Variants in CCNB3 observed in about 807,000 individuals in gnomAD.
The protein encoded by CCNB3 is cyclin B3.
Under a neutral mutation model 68.0 loss-of-function variants are expected in CCNB3, and 12 were observed. The observed-to-expected ratio is 0.18, with a 90% CI of 0.11 to 0.29. The LOEUF (loss-of-function observed/expected upper bound fraction) is 0.29, where lower values mean the gene tolerates loss of function less well. Ranked by LOEUF, CCNB3 falls within the 10% of genes least tolerant of loss-of-function variation. CCNB3 has a pLI of 1.00. For synonymous variants in CCNB3, 354 were observed against 388.9 expected (o/e 0.91, Z 1.06); for missense variants, 904 against 993.1 (o/e 0.91, Z 1.21).
chrX:50,316,031 A>T (rs782750445), intron 8 of CCNB3, among the ~76,000 whole-genome samples: 2 of 111,397 alleles, frequency 1.8e-5, no homozygotes, highest in African/African-American at 6.5e-5. Context: ...CTTATCTTGA[A>T]TTATAGCTCC....
intron 5 of CCNB3, among the ~76,000 whole-genome samples, chrX:50,302,114 C>T (rs782634682): frequency 2.7e-5 from 3 of 112,527 alleles, no homozygotes; most frequent in East Asian, 5.6e-4. Context: ...TGCTTCAACT[C>T]GTGCATGGTG....
At chrX:50,226,305 G>GAATATATATATAT (rs1935791651) in intron 1 of CCNB3, among the ~76,000 whole-genome samples, 4 of 16,504 alleles carry the variant, frequency 2.4e-4, no homozygotes, top group Non-Finnish European at 2.7e-4. Context: ...TATATATATA[G>GAATATATATATAT]AAATATATAA....
intron 8 of CCNB3, among the ~76,000 whole-genome samples, chrX:50,325,518 T>C (rs1306125648): frequency 1.8e-5 from 2 of 112,421 alleles, no homozygotes; most frequent in Non-Finnish European, 3.8e-5. Context: ...TTCTGATTGG[T>C]TGATACAGTG....
intron 8 of CCNB3, among the ~76,000 whole-genome samples, chrX:50,319,248 C>T (rs782137238): frequency 8.1e-5 from 9 of 110,948 alleles, no homozygotes; most frequent in East Asian, 5.7e-4. Context: ...AGAATTGGCG[C>T]GTTACTATGT....
chrX:50,347,099 G>C (rs781790822), intron 10 of CCNB3, among the ~76,000 whole-genome samples: 198 of 111,538 alleles, frequency 1.8e-3, no homozygotes, highest in Non-Finnish European at 2.9e-3. Context: ...AAAACTTTGT[G>C]GGGGGATGCT....
In CCNB3 at chrX:50,204,820, C is replaced by CTT. The variant is rs782585137; in HGVS notation, c.-242_-241insTT. The CTT allele has an allele frequency of 1.4e-4, 15 of 108,833 alleles. No individual in the cohort carries two copies. Among genetic ancestry groups the CTT allele is most frequent in the Non-Finnish European group, 1.9e-4 (10 of 52,351 alleles). 9.0% of individuals were successfully genotyped at this position (108,833 alleles called of 1,213,427 possible). A position where few individuals can be genotyped will look rare whatever the true frequency, so the allele number is the denominator to read the frequency against. ...TGGGCTGAGGCGGTTGGTCGCCTCT[C>CTT]TCTCTCTCTCTCTCTGTTCCTCATC... On this transcript the variant is annotated 5_prime_UTR_variant, in exon 1 of 13. Coordinates refer to ENST00000376042, the MANE Select transcript of CCNB3 (RefSeq NM_033031.3).
At chrX:50,226,512 AAT>A (rs1935812937) in intron 1 of CCNB3, among the ~76,000 whole-genome samples, 1 of 71,031 alleles carries the variant, frequency 1.4e-5, no homozygotes, top group Non-Finnish European at 2.4e-5. Context: ...ATATATATAG[AAT>A]ATATAGATAT....
intron 1 of CCNB3, among the ~76,000 whole-genome samples, chrX:50,222,153 G>A (rs938551461): frequency 9.0e-6 from 1 of 111,113 alleles, no homozygotes; most frequent in African/African-American, 3.3e-5. Flanking sequence ...TTGAGCCTAT[G>A]TGTGTCTCTG....
intron 4 of CCNB3, among the ~76,000 whole-genome samples, chrX:50,291,030 AG>A (rs1569542451): frequency 9.0e-6 from 1 of 111,623 alleles, no homozygotes; most frequent in African/African-American, 3.3e-5. Context: ...TCTTACAGTC[AG>A]TATTATTAGG....
intron 7 of CCNB3, among the ~76,000 whole-genome samples, chrX:50,313,219 A>G (rs1921559056): frequency 9.0e-6 from 1 of 111,311 alleles, no homozygotes; most frequent in African/African-American, 3.3e-5. Context: ...ATTATCTACC[A>G]AGCAGAATTT....
intron 1 of CCNB3, among the ~76,000 whole-genome samples, chrX:50,226,364 GAATA>G (rs1284165817): frequency 2.3e-5 from 1 of 42,932 alleles, no homozygotes; most frequent in East Asian, 7.3e-4. Flanking sequence ...AATATGTATA[GAATA>G]TATATAAAAA....
At chrX:50,312,685 A>C in intron 7 of CCNB3, 53 bp downstream of exon 7, 1 of 835,967 alleles carries the variant, frequency 1.2e-6, no homozygotes, top group Non-Finnish European at 1.8e-6. Flanking sequence ...TTTCTTCATC[A>C]TTCCATCCTT....
intron 1 of CCNB3, among the ~76,000 whole-genome samples, chrX:50,284,325 T>C: frequency 9.0e-6 from 1 of 111,472 alleles, no homozygotes; most frequent in Non-Finnish European, 1.9e-5. Context: ...TAAACGGTGT[T>C]TCACTGCCTT....
At chrX:50,348,034 C>T (rs1557220640) in intron 11 of CCNB3, among the ~76,000 whole-genome samples, 1 of 111,555 alleles carries the variant, frequency 9.0e-6, no homozygotes, top group Non-Finnish European at 1.9e-5. Context: ...ACATACCAGA[C>T]TACTGTGAAG....
chrX:50,302,167 G>T (rs1936657461), intron 5 of CCNB3, among the ~76,000 whole-genome samples: 1 of 112,305 alleles, frequency 8.9e-6, no homozygotes. Context: ...GCACTCCCCA[G>T]TGAGGTGAAT....
At chrX:50,284,961 C>G (rs1252431332) in intron 2 of CCNB3, among the ~76,000 whole-genome samples, 166 bp from the exon 3 acceptor site, 1 of 111,601 alleles carries the variant, frequency 9.0e-6, no homozygotes, top group Non-Finnish European at 1.9e-5. Context: ...CAGTCACTTG[C>G]CTGAGGTTAA....
chrX:50,318,468 G>T (rs1015475131), intron 8 of CCNB3, among the ~76,000 whole-genome samples: 2 of 111,235 alleles, frequency 1.8e-5, no homozygotes, highest in Non-Finnish European at 3.8e-5. Context: ...AGCCAAGATC[G>T]GGCCACTGCA....
At chrX:50,281,051 C>G (rs1230997793) in intron 1 of CCNB3, among the ~76,000 whole-genome samples, 2 of 110,789 alleles carry the variant, frequency 1.8e-5, no homozygotes, top group East Asian at 5.7e-4. Flanking sequence ...AGTAGGCCAC[C>G]GCGCCTGGCC....
At position 50,311,578 on chromosome X, in the gene CCNB3, T is replaced by TG. The variant is rs374719268; in HGVS notation, c.3327+82_3327+83insG. On this transcript the variant is annotated intron_variant, in intron 6 of 12. Transcript: ENST00000376042. ...TGGCTGCTAGCAAAGTTGTTTTTTTTTTTTTGTTTTTGTTTTTTGTTGTTG... is the reference window on the plus strand; with the variant it reads ...TGGCTGCTAGCAAAGTTGTTTTTTTTGTTTTTGTTTTTGTTTTTTGTTGTTG... 6.4e-3 allele frequency: 4,924 copies of TG among 769,804 alleles called. 155 individuals are homozygous for TG. The African/African-American group carries it at 0.091, about 14-fold the overall frequency. 63.4% of individuals were successfully genotyped at this position (769,804 alleles called of 1,213,427 possible).
Sources: gnomAD v4.1 joint callset for allele counts (sites outside exome capture counted in the v4.1 genomes callset) on GRCh38, gnomAD v4.1.1 for gene constraint, MANE v1.5 for transcripts, NCBI Gene and HGNC (gene_info 2026-07-23, HGNC 2026-07-21) for gene names.